SMYD3: variants seen among roughly 807,000 people sequenced by gnomAD.
SMYD3 encodes the protein histone-lysine N-methyltransferase SMYD3.
In SMYD3, 36 loss-of-function variants were observed where a neutral mutation model predicts 57.7. The observed-to-expected ratio is 0.62, with a 90% CI of 0.48 to 0.82. SMYD3 has a LOEUF of 0.82. SMYD3 is among the 40% of genes least tolerant of loss of function. The probability of loss-of-function intolerance (pLI) is 0.00; values close to 1 mark genes in which losing one functional copy is unlikely to be tolerated. For missense variants in SMYD3, 515 were observed against 538.8 expected (o/e 0.96, Z 0.44); for synonymous variants, 211 against 195.0 (o/e 1.08, Z -0.68).
At chr1:245,931,177 A>G (rs553953550) in intron 5 of SMYD3, among the ~76,000 whole-genome samples, 32 of 152,310 alleles carry the variant, frequency 2.1e-4, no homozygotes, top group African/African-American at 6.5e-4. Context: ...GGCATGAAGG[A>G]GTCTGACTTC....
chr1:246,507,118 C>T lies in SMYD3; in HGVS notation c.100G>A (p.Asp34Asn). 1 of 1,533,702 alleles carries T rather than the reference C, an allele frequency of 6.5e-7. No homozygotes were observed. The highest frequency in any genetic ancestry group is 8.8e-7 in the Non-Finnish European group (1 of 1,140,212). ...TTGCACACCGTGTACGCCAAGGGATCCGAGCGGAAGAGTAGCTCTCCGGGG... is the reference window on the plus strand; with the variant it reads ...TTGCACACCGTGTACGCCAAGGGATTCGAGCGGAAGAGTAGCTCTCCGGGG... ...LRPGELLFRS[D>N]PLAYTVCKGS... The change falls in exon 1 of 12, where the codon GAT (aspartate) becomes AAT (asparagine). Residue 34 changes from aspartate (D) to asparagine (N), a missense_variant. Physicochemically the swap from Asp to Asn is conservative, Grantham distance 23. Coordinates refer to ENST00000490107, the MANE Select transcript of SMYD3 (RefSeq NM_001167740.2).
At chr1:246,135,595 C>A (rs538012720) in intron 5 of SMYD3, among the ~76,000 whole-genome samples, 2 of 152,004 alleles carry the variant, frequency 1.3e-5, no homozygotes, top group East Asian at 3.8e-4. Flanking sequence ...ATATCAATCA[C>A]CTTAAAGCTT....
chr1:245,872,102 T>C (rs907034881), intron 8 of SMYD3, among the ~76,000 whole-genome samples: 18 of 152,206 alleles, frequency 1.2e-4, no homozygotes, highest in Non-Finnish European at 1.9e-4. Context: ...CTGGCTTTCA[T>C]GATGCTTGCT....
chr1:246,040,370 G>C (rs2059847497), intron 5 of SMYD3, among the ~76,000 whole-genome samples: 2 of 152,108 alleles, frequency 1.3e-5, no homozygotes, highest in Non-Finnish European at 2.9e-5. Context: ...CACCACAAAC[G>C]CAAGTGCTGC....
chr1:246,385,085 A>G (rs2066452748), intron 1 of SMYD3, among the ~76,000 whole-genome samples: 1 of 152,236 alleles, frequency 6.6e-6, no homozygotes, highest in Admixed American at 6.5e-5. Flanking sequence ...ATTTTACTGA[A>G]TAAAATCTTA....
intron 5 of SMYD3, among the ~76,000 whole-genome samples, chr1:246,227,442 T>C (rs2063345248): frequency 1.3e-5 from 2 of 152,080 alleles, no homozygotes; most frequent in African/African-American, 2.4e-5. Context: ...GGTGAAACCC[T>C]GTCTCTATTA....
At chr1:245,777,997 G>A (rs1276561086) in intron 10 of SMYD3, among the ~76,000 whole-genome samples, 2 of 152,068 alleles carry the variant, frequency 1.3e-5, no homozygotes, top group African/African-American at 2.4e-5. Context: ...CAGAGGGCAG[G>A]AAAATGATAC....
chr1:245,796,528 G>C (rs2047527124), intron 10 of SMYD3, among the ~76,000 whole-genome samples: 1 of 152,022 alleles, frequency 6.6e-6, no homozygotes, highest in Non-Finnish European at 1.5e-5. Context: ...AGCATGAATG[G>C]GCTAGCATTT....
intron 5 of SMYD3, among the ~76,000 whole-genome samples, chr1:246,072,111 G>C (rs74775705): frequency 7.9e-5 from 6 of 75,650 alleles, no homozygotes; most frequent in African/African-American, 3.5e-4. Context: ...TGCTCACTGT[G>C]GATGCATCGT....
At chr1:246,319,489 C>T (rs570175469) in intron 5 of SMYD3, among the ~76,000 whole-genome samples, 2 of 152,140 alleles carry the variant, frequency 1.3e-5, no homozygotes, top group Non-Finnish European at 2.9e-5. Flanking sequence ...TATCATACTG[C>T]CATTTCACAT....
chr1:246,275,661 A>T (rs540922467), intron 5 of SMYD3, among the ~76,000 whole-genome samples: 1 of 148,986 alleles, frequency 6.7e-6, no homozygotes, highest in Admixed American at 6.7e-5. Context: ...CCTCTAGTGG[A>T]GTCTGATGCC....
At chr1:246,397,978 C>G (rs955899128) in intron 1 of SMYD3, among the ~76,000 whole-genome samples, 2 of 148,528 alleles carry the variant, frequency 1.3e-5, no homozygotes, top group African/African-American at 4.9e-5. Flanking sequence ...ACAACAACAA[C>G]AACAACAAGA....
chr1:246,134,172 T>C (rs2061631024), intron 5 of SMYD3, among the ~76,000 whole-genome samples: 2 of 152,094 alleles, frequency 1.3e-5, no homozygotes, highest in South Asian at 4.1e-4. Context: ...ATTAAGAAAA[T>C]GTTTTTATTT....
intron 1 of SMYD3, among the ~76,000 whole-genome samples, chr1:246,369,743 G>C (rs2066164134): frequency 6.6e-6 from 1 of 152,008 alleles, no homozygotes; most frequent in Non-Finnish European, 1.5e-5. Flanking sequence ...GCCCAGGCTA[G>C]TCTCAAACTT....
chr1:246,289,337 T>C (rs1469377882), intron 5 of SMYD3, among the ~76,000 whole-genome samples: 2 of 152,178 alleles, frequency 1.3e-5, no homozygotes, highest in Non-Finnish European at 2.9e-5. Flanking sequence ...CGTTAGCTTA[T>C]AGATTTCTGT....
chr1:245,802,179 C>T (rs892432022), intron 10 of SMYD3, among the ~76,000 whole-genome samples: 2 of 152,088 alleles, frequency 1.3e-5, no homozygotes, highest in African/African-American at 4.8e-5. Context: ...TCATAGTAAA[C>T]CTGCATTTAA....
intron 1 of SMYD3, among the ~76,000 whole-genome samples, chr1:246,424,142 C>T (rs1442357190): frequency 6.6e-6 from 1 of 151,866 alleles, no homozygotes; most frequent in Non-Finnish European, 1.5e-5. Flanking sequence ...AACAATGTAC[C>T]GTGGGGTTTA....
At chr1:246,226,481 T>G (rs2063332160) in intron 5 of SMYD3, among the ~76,000 whole-genome samples, 1 of 152,232 alleles carries the variant, frequency 6.6e-6, no homozygotes, top group African/African-American at 2.4e-5. Context: ...AATAAAACAT[T>G]CAGTTAGTGG....
Position 246,411,976 on chromosome 1 carries a change from A to T in SMYD3, c.165-56882T>A, listed in dbSNP as rs1026775856. ...CGTACCCTAAAACTTAAAGTATAATAAAAAAAAAAAAAAAAAACTTAAGGT... is the reference window on the plus strand; with the variant it reads ...CGTACCCTAAAACTTAAAGTATAATTAAAAAAAAAAAAAAAAACTTAAGGT... On this transcript the variant is annotated intron_variant, in intron 1 of 11. Coordinates refer to ENST00000490107, the MANE Select transcript of SMYD3 (RefSeq NM_001167740.2). 1.0e-3 allele frequency among the ~76,000 whole-genome samples: 33 copies of T among 32,582 alleles called. 1 individual carries two copies. The highest frequency in any genetic ancestry group is 2.0e-3 in the South Asian group (1 of 506). The allele number at this position is 32,582 out of a possible 152,430, so 21.4% of individuals were successfully genotyped here.
Sources: allele counts gnomAD v4.1 joint callset (sites outside exome capture counted in the v4.1 genomes callset), GRCh38; gene constraint gnomAD v4.1.1; transcripts MANE v1.5; gene names NCBI Gene and HGNC (gene_info 2026-07-23, HGNC 2026-07-21).